CA10: variants seen among roughly 807,000 people sequenced by gnomAD.
CA10 encodes the protein carbonic anhydrase 10 (inactive).
In CA10, 14 loss-of-function variants were observed where a neutral mutation model predicts 44.2. The observed-to-expected ratio is 0.32, with a 90% CI of 0.21 to 0.50. The LOEUF is 0.50. CA10 is among the 20% of genes least tolerant of loss of function. The pLI, the probability that CA10 is intolerant of heterozygous loss-of-function variation, is 0.99. For missense variants in CA10, 350 were observed against 409.7 expected (o/e 0.85, Z 1.26); for synonymous variants, 159 against 141.6 (o/e 1.12, Z -0.87).
intron 4 of CA10, among the ~76,000 whole-genome samples, chr17:51,656,727 C>T (rs997581945): frequency 7.9e-5 from 12 of 152,162 alleles, no homozygotes; most frequent in Non-Finnish European, 1.6e-4. Context: ...AATGCAGAAT[C>T]GGGAGCCCCA....
intron 2 of CA10, among the ~76,000 whole-genome samples, chr17:51,984,007 A>G (rs1420654782): frequency 6.6e-6 from 1 of 151,828 alleles, no homozygotes; most frequent in African/African-American, 2.4e-5. Context: ...TTTGAATAGT[A>G]TAACTATCAT....
At position 51,978,382 on chromosome 17, in the gene CA10, A is replaced by ATGTG. The variant is rs56108471; in HGVS notation, c.137-47254_137-47251dup. ...TACTCATATCTGTGTGTGTGTCTGT[A>ATGTG]TGTGTGTGTGTGTGTGTGTGTGTGT... On this transcript the variant is annotated intron_variant, in intron 2 of 8. Transcript: ENST00000451037. 4.3e-3 allele frequency among the ~76,000 whole-genome samples: 616 copies of ATGTG among 142,096 alleles called. 2 individuals are homozygous for ATGTG. Among genetic ancestry groups the ATGTG allele is most frequent in the African/African-American group, 7.4e-3 (289 of 39,236 alleles). 93.2% of individuals were successfully genotyped at this position (142,096 alleles called of 152,430 possible). A position where few individuals can be genotyped will look rare whatever the true frequency, so the allele number is the denominator to read the frequency against.
intron 3 of CA10, among the ~76,000 whole-genome samples, chr17:51,921,874 T>G (rs1982247656): frequency 6.6e-6 from 1 of 152,212 alleles, no homozygotes; most frequent in Non-Finnish European, 1.5e-5. Context: ...AAGTTTTATC[T>G]TTATGCCTTT....
intron 2 of CA10, among the ~76,000 whole-genome samples, chr17:52,044,635 C>A (rs1004620436): frequency 6.6e-6 from 1 of 151,824 alleles, no homozygotes; most frequent in Non-Finnish European, 1.5e-5. Flanking sequence ...GGAAGCTTTC[C>A]AAAATATACA....
chr17:51,655,976 C>G (rs996975740), intron 4 of CA10, among the ~76,000 whole-genome samples: 2 of 152,176 alleles, frequency 1.3e-5, no homozygotes, highest in African/African-American at 4.8e-5. Context: ...CCCTTGTACC[C>G]CCACACAACC....
At chr17:51,948,154 A>G (rs920238398) in intron 2 of CA10, among the ~76,000 whole-genome samples, 1 of 152,082 alleles carries the variant, frequency 6.6e-6, no homozygotes, top group Non-Finnish European at 1.5e-5. Flanking sequence ...CAGCAACAAG[A>G]CTGCCACCCC....
intron 4 of CA10, among the ~76,000 whole-genome samples, chr17:51,720,360 C>A (rs1208347195): frequency 1.3e-5 from 2 of 152,114 alleles, no homozygotes; most frequent in African/African-American, 2.4e-5. Context: ...CACTTTTAAT[C>A]ATATCTGAGT....
chr17:51,663,051 C>G (rs569538701), intron 4 of CA10, among the ~76,000 whole-genome samples: 1 of 152,034 alleles, frequency 6.6e-6, no homozygotes, highest in Non-Finnish European at 1.5e-5. Context: ...TTTCTTTATG[C>G]ATAATATAGG....
At chr17:51,754,414 T>C (rs1905010145) in intron 3 of CA10, among the ~76,000 whole-genome samples, 1 of 62,120 alleles carries the variant, frequency 1.6e-5, no homozygotes, top group Non-Finnish European at 3.2e-5. Context: ...TATATATATA[T>C]ATATATATAT....
intron 6 of CA10, among the ~76,000 whole-genome samples, chr17:51,639,367 A>G (rs1912980304): frequency 6.6e-6 from 1 of 152,074 alleles, no homozygotes; most frequent in African/African-American, 2.4e-5. Flanking sequence ...GGAGTAAAGA[A>G]AAGGAACATG....
At chr17:51,972,755 G>C (rs1984326387) in intron 2 of CA10, among the ~76,000 whole-genome samples, 1 of 151,532 alleles carries the variant, frequency 6.6e-6, no homozygotes, top group Non-Finnish European at 1.5e-5. Flanking sequence ...AAATTAGTAA[G>C]TAAAGGAGAG....
At chr17:51,852,476 A>G (rs528066944) in intron 3 of CA10, among the ~76,000 whole-genome samples, 3 of 152,336 alleles carry the variant, frequency 2.0e-5, no homozygotes, top group Admixed American at 6.5e-5. Flanking sequence ...ACTTGCTTAT[A>G]TGTTAAATTT....
intron 2 of CA10, among the ~76,000 whole-genome samples, chr17:51,991,600 G>GGGA (rs1234770170): frequency 6.6e-6 from 1 of 151,928 alleles, no homozygotes; most frequent in East Asian, 1.9e-4. Context: ...ACCAGAGGTC[G>GGGA]GGAGTTTGAG....
rs183766245 is a variant in CA10, at chr17:51,638,942, T to G, written c.635-2933A>C. On this transcript the variant is annotated intron_variant, in intron 6 of 8. Transcript: ENST00000451037. ...TGTGTACTTGGGGACAGATGGAGTG[T>G]GAGGTGCAGGGCGATGTGGAGATGG... Among the ~76,000 whole-genome samples, 254 of 151,892 alleles carry G rather than the reference T, an allele frequency of 1.7e-3. 1 individual carries two copies. The highest frequency in any genetic ancestry group is 7.3e-3 in the Admixed American group (112 of 15,258).
chr17:51,878,160 A>G (rs1254020874), intron 3 of CA10, among the ~76,000 whole-genome samples: 4 of 150,888 alleles, frequency 2.7e-5, no homozygotes, highest in Non-Finnish European at 4.4e-5. Flanking sequence ...AAAAAAAAAA[A>G]AAAAAAAGAA....
At chr17:51,871,428 C>CGG (rs1279097753) in intron 3 of CA10, among the ~76,000 whole-genome samples, 4 of 114,098 alleles carry the variant, frequency 3.5e-5, no homozygotes, top group African/African-American at 1.4e-4. Context: ...TTAGTAGAGA[C>CGG]GGGGCTTCAC....
intron 1 of CA10, among the ~76,000 whole-genome samples, chr17:52,111,223 C>G (rs963911979): frequency 6.6e-6 from 1 of 152,198 alleles, no homozygotes; most frequent in Non-Finnish European, 1.5e-5. Context: ...GCTCACTTAA[C>G]TGTAAATTTT....
At chr17:51,674,515 C>T (rs1477618233) in intron 4 of CA10, among the ~76,000 whole-genome samples, 1 of 152,100 alleles carries the variant, frequency 6.6e-6, no homozygotes, top group Admixed American at 6.5e-5. Flanking sequence ...AAATAGCAAA[C>T]AATATATTCT....
chr17:52,135,618 G>A (rs955871552), intron 1 of CA10, among the ~76,000 whole-genome samples: 3 of 152,166 alleles, frequency 2.0e-5, no homozygotes, highest in Non-Finnish European at 4.4e-5. Context: ...TCTGTTTCTA[G>A]CTTCTGGCAA....
Sources: gnomAD v4.1 joint callset for allele counts (sites outside exome capture counted in the v4.1 genomes callset) on GRCh38, gnomAD v4.1.1 for gene constraint, MANE v1.5 for transcripts, NCBI Gene and HGNC (gene_info 2026-07-23, HGNC 2026-07-21) for gene names.